The following MAPRE3 variants were observed in gnomAD, a reference collection of about 807,000 sequenced individuals.
MAPRE3 encodes microtubule associated protein RP/EB family member 3.
MAPRE3 carries 2 observed loss-of-function variants against 30.5 expected under a neutral mutation model. That is an observed-to-expected ratio of 0.07 (90% CI 0.03 to 0.21). MAPRE3 has a LOEUF of 0.21. MAPRE3 is among the 10% of genes least tolerant of loss of function. MAPRE3 has a pLI of 1.00. For synonymous variants in MAPRE3, 110 were observed against 127.7 expected, an observed-to-expected ratio of 0.86 and a Z score of 0.93; for missense variants, 204 against 351.8, an observed-to-expected ratio of 0.58 and a Z score of 3.36.
rs13008495 is a variant in MAPRE3 at position 26,999,517 on chromosome 2, G to T, written c.-7-22695G>T. Reference sequence around the variant, plus strand: ...TTTTTTTTTTTTTTTTTTTTTTTTGGGATGGAGTTTCGCTGTTGTCACCCA... The same window carrying T: ...TTTTTTTTTTTTTTTTTTTTTTTTGTGATGGAGTTTCGCTGTTGTCACCCA... On this transcript the variant is annotated intron_variant, in intron 1 of 6. Coordinates refer to ENST00000233121, the MANE Select transcript of MAPRE3 (RefSeq NM_012326.4). 1.1e-4 allele frequency among the ~76,000 whole-genome samples: 13 copies of T among 117,966 alleles called. 1 individual carries two copies. Among genetic ancestry groups the T allele is most frequent in the South Asian group, 5.7e-4 (2 of 3,500 alleles). The allele number at this position is 117,966 out of a possible 152,430, so 77.4% of individuals were successfully genotyped here. A position where few individuals can be genotyped will look rare whatever the true frequency, so the allele number is the denominator to read the frequency against.
At chr2:26,995,829 G>GTGTGTA (rs1335864863) in intron 1 of MAPRE3, among the ~76,000 whole-genome samples, 18 of 147,122 alleles carry the variant, frequency 1.2e-4, no homozygotes, top group African/African-American at 4.7e-4. Flanking sequence ...GTGTGTGTGT[G>GTGTGTA]TATGTGTGTG....
chr2:26,974,357 TTTTTA>T, intron 1 of MAPRE3, among the ~76,000 whole-genome samples: 1 of 152,376 alleles, frequency 6.6e-6, no homozygotes, highest in East Asian at 1.9e-4. Context: ...AAAATAATAT[TTTTTA>T]TCACACATTC....
intron 1 of MAPRE3, among the ~76,000 whole-genome samples, chr2:27,011,307 C>T (rs1433096031): frequency 6.6e-6 from 1 of 152,186 alleles, no homozygotes; most frequent in Non-Finnish European, 1.5e-5. Flanking sequence ...TGCTGATCCC[C>T]CTCTCATCTT....
Position 26,971,204 on chromosome 2 carries a change from C to T in MAPRE3, c.-8+402C>T, listed in dbSNP as rs571631989. Among the ~76,000 whole-genome samples the T allele has an allele frequency of 2.0e-5, 3 of 152,344 alleles. No individual in the cohort carries two copies. The South Asian group carries it at 6.2e-4, about 32-fold the overall frequency. On this transcript the variant is annotated intron_variant, in intron 1 of 6. Coordinates refer to ENST00000233121, the MANE Select transcript of MAPRE3 (RefSeq NM_012326.4). Reference sequence around the variant, plus strand: ...CTGACATCTCCCGGCCTCTCTGGATCTCCCCAGTGATGTGCCAGAAAAAGA... The same window carrying T: ...CTGACATCTCCCGGCCTCTCTGGATTTCCCCAGTGATGTGCCAGAAAAAGA...
chr2:26,978,845 T>C (rs1331778073), intron 1 of MAPRE3, among the ~76,000 whole-genome samples: 1 of 152,236 alleles, frequency 6.6e-6, no homozygotes. Context: ...GAGGAGGCTG[T>C]AATGTGTGTG....
At chr2:26,976,180 C>T (rs911424960) in intron 1 of MAPRE3, among the ~76,000 whole-genome samples, 1 of 152,156 alleles carries the variant, frequency 6.6e-6, no homozygotes, top group African/African-American at 2.4e-5. Flanking sequence ...CTGGCTGGTA[C>T]AGCACATCTT....
intron 1 of MAPRE3, among the ~76,000 whole-genome samples, chr2:27,011,072 T>A (rs1666845959): frequency 6.6e-6 from 1 of 152,216 alleles, no homozygotes; most frequent in African/African-American, 2.4e-5. Flanking sequence ...GGGCCCTCCC[T>A]TGGCTCCTAA....
chr2:26,982,124 A>G (rs1666126236), intron 1 of MAPRE3, among the ~76,000 whole-genome samples: 1 of 152,172 alleles, frequency 6.6e-6, no homozygotes, highest in Admixed American at 6.5e-5. Flanking sequence ...TCTCTTGCCT[A>G]TTATGAAACT....
chr2:27,010,685 C>G (rs1666836702), intron 1 of MAPRE3, among the ~76,000 whole-genome samples: 2 of 152,054 alleles, frequency 1.3e-5, no homozygotes, highest in Admixed American at 6.6e-5. Context: ...TCAGGTGATC[C>G]ACCTGTCTCG....
At chr2:26,980,868 T>C (rs1409159132) in intron 1 of MAPRE3, among the ~76,000 whole-genome samples, 1 of 151,948 alleles carries the variant, frequency 6.6e-6, no homozygotes, top group African/African-American at 2.4e-5. Flanking sequence ...CCAAAGAAAA[T>C]AGTACACAGA....
At chr2:26,978,313 G>A (rs1666052218) in intron 1 of MAPRE3, among the ~76,000 whole-genome samples, 1 of 152,228 alleles carries the variant, frequency 6.6e-6, no homozygotes, top group Non-Finnish European at 1.5e-5. Context: ...TAGACCACTA[G>A]ATGAAATTAG....
chr2:27,004,439 A>G (rs923442855), intron 1 of MAPRE3, among the ~76,000 whole-genome samples: 1 of 152,164 alleles, frequency 6.6e-6, no homozygotes, highest in African/African-American at 2.4e-5. Context: ...AGGCAAAAAT[A>G]TGATAAGAGA....
At chr2:26,981,771 A>G (rs1666117778) in intron 1 of MAPRE3, among the ~76,000 whole-genome samples, 1 of 152,054 alleles carries the variant, frequency 6.6e-6, no homozygotes, top group Non-Finnish European at 1.5e-5. Flanking sequence ...GCTTGTCACA[A>G]AAGAGTGGCA....
chr2:26,973,546 GTTTTTTT>G (rs68169162), intron 1 of MAPRE3, among the ~76,000 whole-genome samples: 1 of 122,288 alleles, frequency 8.2e-6, no homozygotes, highest in Admixed American at 8.1e-5. Flanking sequence ...AGAAAATATA[GTTTTTTT>G]TTTTTTTTTT....
In MAPRE3 at chr2:27,023,366, C is replaced by T; in HGVS notation, c.156C>T (p.Phe52=). Residue 52 remains phenylalanine (F), a synonymous_variant, in exon 3 of 7, where the codon TTC becomes TTT. Coordinates refer to ENST00000233121, the MANE Select transcript of MAPRE3 (RefSeq NM_012326.4). ...ACTGCCAGTTCATGGACATGCTCTT[C>T]CCCGGCTGTGTGCACTTGAGGAAAG... The part of the protein sequence containing the change: ...AAYCQFMDML[F]PGCVHLRKVK... The T allele has an allele frequency of 6.2e-7, 1 of 1,611,160 alleles. No homozygotes were observed. The highest frequency in any genetic ancestry group is 8.5e-7 in the Non-Finnish European group (1 of 1,177,428).
intron 1 of MAPRE3, among the ~76,000 whole-genome samples, chr2:26,976,180 C>CAG (rs1433985489): frequency 1.3e-5 from 2 of 152,156 alleles, no homozygotes; most frequent in Non-Finnish European, 2.9e-5. Context: ...CTGGCTGGTA[C>CAG]AGCACATCTT....
chr2:27,023,569 T>G (rs1437826175), intron 3 of MAPRE3, 92 bp downstream of exon 3: 1 of 1,512,016 alleles, frequency 6.6e-7, no homozygotes, highest in Non-Finnish European at 9.1e-7. Context: ...GCTGCTGGGG[T>G]CATTCCGGTG....
chr2:27,024,048 C>A, intron 3 of MAPRE3, 48 bp from the exon 4 acceptor site: 1 of 1,484,402 alleles, frequency 6.7e-7, no homozygotes, highest in Non-Finnish European at 9.4e-7. Flanking sequence ...GAAGGCGGTC[C>A]TACAGCAGCA....
At chr2:26,971,141 C>A (rs1457002691) in intron 1 of MAPRE3, among the ~76,000 whole-genome samples, 1 of 152,218 alleles carries the variant, frequency 6.6e-6, no homozygotes, top group East Asian at 1.9e-4. Context: ...CTCCCGTCCG[C>A]CCTTATCCCT....
Sources: gnomAD v4.1 joint callset for allele counts (sites outside exome capture counted in the v4.1 genomes callset) on GRCh38, gnomAD v4.1.1 for gene constraint, MANE v1.5 for transcripts, NCBI Gene and HGNC (gene_info 2026-07-23, HGNC 2026-07-21) for gene names.